The following LARGE1 variants were observed in gnomAD, a reference collection of about 807,000 sequenced individuals.
LARGE1 encodes xylosyl- and glucuronyltransferase LARGE1.
Under a neutral mutation model 87.6 loss-of-function variants are expected in LARGE1, and 43 were observed. The observed-to-expected ratio is 0.49, with a 90% CI of 0.38 to 0.63. LARGE1 has a LOEUF of 0.63. LARGE1 is among the 30% of genes least tolerant of loss of function. LARGE1 has a pLI of 0.00. For synonymous variants in LARGE1, 434 were observed against 394.6 expected, an observed-to-expected ratio of 1.10 and a Z score of -1.18; for missense variants, 802 against 1,000.2, an observed-to-expected ratio of 0.80 and a Z score of 2.67.
At chr22:33,719,368 G>A (rs1365365729) in intron 2 of LARGE1, among the ~76,000 whole-genome samples, 6 of 152,232 alleles carry the variant, frequency 3.9e-5, no homozygotes, top group Admixed American at 3.3e-4. Context: ...GTCTACGGTA[G>A]TACACAGTAA....
At chr22:33,735,029 A>G (rs757203825) in intron 2 of LARGE1, among the ~76,000 whole-genome samples, 2 of 152,206 alleles carry the variant, frequency 1.3e-5, no homozygotes, top group Admixed American at 6.5e-5. Flanking sequence ...ATTATTTTGA[A>G]TAAGAGACAA....
chr22:33,219,668 A>G (rs753167838), intron 11 of LARGE1, among the ~76,000 whole-genome samples: 1 of 152,208 alleles, frequency 6.6e-6, no homozygotes, highest in African/African-American at 2.4e-5. Flanking sequence ...CTTAAATCCT[A>G]TTGGACAGCA....
Position 33,274,572 on chromosome 22 carries a change from G to T in LARGE1, c.2126C>A (p.Ala709Asp). Reference protein sequence around the residue: ...PNAYMIHMPHAPSFDITKFRS... With the variant: ...PNAYMIHMPHDPSFDITKFRS... ...GAACTTGGTAATGTCGAAGCTGGGG[G>T]CATGAGGCATGTGGATCATGTAGGC... The change falls in exon 15 of 15, where the codon GCC becomes GAC. Residue 709 changes from alanine (A) to aspartate (D), a missense_variant. Physicochemically the swap from Ala to Asp is moderately radical, Grantham distance 126. This residue lies in a region of LARGE1 where 625 missense variants were observed against 841.9 expected (regional missense o/e 0.74). Coordinates refer to ENST00000397394, the MANE Select transcript of LARGE1 (RefSeq NM_133642.5). 1 of 1,614,156 alleles carries T rather than the reference G, an allele frequency of 6.2e-7. No individual in the cohort carries two copies. The highest frequency in any genetic ancestry group is 8.5e-7 in the Non-Finnish European group (1 of 1,180,016).
intron 11 of LARGE1, among the ~76,000 whole-genome samples, chr22:33,181,681 A>C (rs1297097582): frequency 6.6e-6 from 1 of 151,934 alleles, no homozygotes; most frequent in African/African-American, 2.4e-5. Context: ...AGCGCCCGCC[A>C]CCACACCCGG....
intron 11 of LARGE1, among the ~76,000 whole-genome samples, chr22:33,213,290 T>TA (rs1177975404): frequency 6.6e-6 from 1 of 152,198 alleles, no homozygotes; most frequent in Non-Finnish European, 1.5e-5. Context: ...TTTCTTGAGA[T>TA]AAAATCTACC....
intron 1 of LARGE1, among the ~76,000 whole-genome samples, chr22:33,841,791 A>T (rs746192617): frequency 1.3e-5 from 2 of 152,216 alleles, no homozygotes; most frequent in African/African-American, 4.8e-5. Context: ...GAATAAATAC[A>T]AAGTCAGAAA....
chr22:33,874,761 A>G (rs1398465599), intron 1 of LARGE1, among the ~76,000 whole-genome samples: 1 of 152,170 alleles, frequency 6.6e-6, no homozygotes, highest in Non-Finnish European at 1.5e-5. Flanking sequence ...TTGTCTGTTA[A>G]ACATGGAATA....
At chr22:33,458,697 G>C (rs1463950745) in intron 6 of LARGE1, among the ~76,000 whole-genome samples, 1 of 152,092 alleles carries the variant, frequency 6.6e-6, no homozygotes, top group Non-Finnish European at 1.5e-5. Context: ...CAAAGTGCTG[G>C]GATTACATGC....
At chr22:33,492,658 C>T (rs758777474) in intron 6 of LARGE1, among the ~76,000 whole-genome samples, 7 of 152,102 alleles carry the variant, frequency 4.6e-5, no homozygotes, top group East Asian at 1.9e-4. Flanking sequence ...CCCTTGAGAA[C>T]GAATATACAG....
chr22:33,409,705 C>T (rs1448610747), intron 7 of LARGE1, among the ~76,000 whole-genome samples: 1 of 151,750 alleles, frequency 6.6e-6, no homozygotes, highest in Non-Finnish European at 1.5e-5. Context: ...ACTAAAAATA[C>T]AAAAAATTAG....
At chr22:33,326,390 G>C (rs970749764) in intron 10 of LARGE1, among the ~76,000 whole-genome samples, 1 of 152,188 alleles carries the variant, frequency 6.6e-6, no homozygotes, top group African/African-American at 2.4e-5. Flanking sequence ...GAGAGGCAAT[G>C]AAGCCAGTCA....
chr22:33,572,595 G>A (rs749220919), intron 5 of LARGE1, among the ~76,000 whole-genome samples: 8 of 152,216 alleles, frequency 5.3e-5, no homozygotes, highest in Non-Finnish European at 8.8e-5. Flanking sequence ...CTCGATATGA[G>A]TGTTTAAAAT....
intron 5 of LARGE1, among the ~76,000 whole-genome samples, chr22:33,599,243 C>T (rs2079054924): frequency 1.3e-5 from 2 of 152,216 alleles, no homozygotes; most frequent in African/African-American, 4.8e-5. Context: ...TAAGCAAATG[C>T]TCTTCAACCC....
chr22:33,118,171 T>A, the LARGE1 span, among the ~76,000 whole-genome samples: 1 of 151,988 alleles, frequency 6.6e-6, no homozygotes, highest in East Asian at 1.9e-4. Flanking sequence ...GAGGAGGCAG[T>A]TGGACAAAGC....
rs138202536 is a variant in LARGE1, at chr22:33,525,120, G to A, written c.787+39728C>T. On this transcript the variant is annotated intron_variant, in intron 6 of 14. Coordinates refer to ENST00000397394, the MANE Select transcript of LARGE1 (RefSeq NM_133642.5). ...GGAACTCATGGCTTACTCAAGTCAA[G>A]TGATAATTAGGGCACGGAGGAAGGA... is the stretch of plus-strand genomic sequence containing the variant. 8.0e-3 allele frequency among the ~76,000 whole-genome samples: 1,223 copies of A among 152,312 alleles called. 6 individuals are homozygous for A. Among genetic ancestry groups the A allele is most frequent in the Non-Finnish European group, 0.014 (977 of 68,036 alleles).
At chr22:33,502,901 CTCT>C (rs2070544674) in intron 6 of LARGE1, among the ~76,000 whole-genome samples, 1 of 109,322 alleles carries the variant, frequency 9.1e-6, no homozygotes, top group South Asian at 3.8e-4. Flanking sequence ...CCCTGCTATG[CTCT>C]AGGCCTCGTA....
At chr22:33,761,318 G>C (rs1250779808) in intron 2 of LARGE1, 53 bp downstream of exon 2, 2 of 1,347,618 alleles carry the variant, frequency 1.5e-6, no homozygotes, top group Non-Finnish European at 2.1e-6. Flanking sequence ...TTCTATGACA[G>C]CTAATGTTCC....
chr22:33,143,729 C>G, the LARGE1 span, among the ~76,000 whole-genome samples: 166 of 152,130 alleles, frequency 1.1e-3, 1 homozygote, highest in East Asian at 0.022. Context: ...AGAGTAGAAG[C>G]CAAATCTAGC....
intron 2 of LARGE1, among the ~76,000 whole-genome samples, chr22:33,651,933 G>T (rs1478044650): frequency 1.3e-5 from 2 of 152,126 alleles, no homozygotes; most frequent in Non-Finnish European, 2.9e-5. Context: ...CAGCATTTTG[G>T]GAGGCCAAGG....
Sources: allele counts gnomAD v4.1 joint callset (sites outside exome capture counted in the v4.1 genomes callset), GRCh38; gene constraint gnomAD v4.1.1; regional missense constraint gnomAD v4.1.1; transcripts MANE v1.5; gene names NCBI Gene and HGNC (gene_info 2026-07-23, HGNC 2026-07-21).